Variants in LRRC40 observed in about 807,000 individuals in gnomAD.
LRRC40 encodes leucine-rich repeat-containing protein 40.
In LRRC40, 76 loss-of-function variants were observed where a neutral mutation model predicts 72.8. The ratio of observed to expected loss-of-function variants is 1.04; its 90% CI spans 0.87 to 1.26. LRRC40 has a LOEUF of 1.26. Among genes scored for constraint, LRRC40 ranks in the 50% most tolerant of loss-of-function variants. The pLI is 0.00. For synonymous variants in LRRC40, 243 were observed against 254.2 expected (o/e 0.96, Z 0.42); for missense variants, 684 against 698.9 (o/e 0.98, Z 0.24).
intron 14 of LRRC40, 82 bp downstream of exon 14, chr1:70,148,404 CA>C: frequency 8.3e-7 from 1 of 1,211,078 alleles, no homozygotes; most frequent in South Asian, 1.6e-5. Flanking sequence ...TAACTTCTTG[CA>C]AATTTATCTG....
chr1:70,161,887 G>A (rs527388793), intron 9 of LRRC40, among the ~76,000 whole-genome samples: 81 of 152,222 alleles, frequency 5.3e-4, no homozygotes, highest in African/African-American at 1.7e-3. Context: ...AGATGAACTC[G>A]ATCTAGTGGA....
At chr1:70,201,411 CAT>C (rs1471344458) in intron 1 of LRRC40, among the ~76,000 whole-genome samples, 1 of 152,138 alleles carries the variant, frequency 6.6e-6, no homozygotes, top group African/African-American at 2.4e-5. Context: ...ATCTAGACTT[CAT>C]ATGACACAAA....
intron 13 of LRRC40, among the ~76,000 whole-genome samples, 196 bp from the exon 14 acceptor site, chr1:70,148,868 T>G (rs1667388405): frequency 6.6e-6 from 1 of 152,202 alleles, no homozygotes; most frequent in Non-Finnish European, 1.5e-5. Context: ...AAATACATGT[T>G]AAACAGACAG....
chr1:70,191,984 G>GT (rs368035286), intron 1 of LRRC40, among the ~76,000 whole-genome samples: 1 of 152,022 alleles, frequency 6.6e-6, no homozygotes, highest in African/African-American at 2.4e-5. Context: ...TTTTAAAATA[G>GT]TTTTTTTCTA....
intron 6 of LRRC40, among the ~76,000 whole-genome samples, chr1:70,177,207 C>T (rs979134316): frequency 1.3e-5 from 2 of 152,000 alleles, no homozygotes; most frequent in Non-Finnish European, 2.9e-5. Flanking sequence ...ACTCGTGAGG[C>T]GGAGGTTGCA....
intron 12 of LRRC40, among the ~76,000 whole-genome samples, 166 bp downstream of exon 12, chr1:70,152,267 C>T (rs532193670): frequency 3.3e-5 from 5 of 152,122 alleles, no homozygotes; most frequent in South Asian, 4.1e-4. Flanking sequence ...AATTCTGTCT[C>T]GGGTTTCCTA....
chr1:70,191,124 GA>G (rs901368397), intron 1 of LRRC40, among the ~76,000 whole-genome samples: 13 of 139,888 alleles, frequency 9.3e-5, no homozygotes, highest in Admixed American at 2.9e-4. Flanking sequence ...TGTGACTCTT[GA>G]AAAAAAAAAA....
intron 12 of LRRC40, 77 bp from the exon 13 acceptor site, chr1:70,151,282 GC>G: frequency 1.4e-6 from 1 of 701,574 alleles, no homozygotes; most frequent in Non-Finnish European, 2.5e-6. Context: ...AAAATATTGA[GC>G]AGGAAAAAAA....
At chr1:70,189,371 C>G in intron 1 of LRRC40, 98 bp from the exon 2 acceptor site, 1 of 959,780 alleles carries the variant, frequency 1.0e-6, no homozygotes. Flanking sequence ...ATAGCCATTC[C>G]ATTTATCTAT....
chr1:70,201,343 T>C lies in LRRC40; in HGVS notation c.151+4047A>G, dbSNP rs532180204. ...TTAGTAAGTTTATATGAAAAGAAAA[T>C]AATAATCACTTTCTGCAATTACTTT... is the stretch of plus-strand genomic sequence containing the variant. On this transcript the variant is annotated intron_variant, in intron 1 of 14. Transcript: ENST00000370952. 3.2e-3 allele frequency among the ~76,000 whole-genome samples: 494 copies of C among 152,082 alleles called. 5 individuals are homozygous for C. Among genetic ancestry groups the C allele is most frequent in the South Asian group, 0.03 (147 of 4,824 alleles).
chr1:70,167,720 T>G (rs896807026), intron 9 of LRRC40, among the ~76,000 whole-genome samples: 1 of 151,978 alleles, frequency 6.6e-6, no homozygotes, highest in African/African-American at 2.4e-5. Flanking sequence ...GTTCTAGTGA[T>G]TCTCCTGTCT....
At chr1:70,189,352 G>T in intron 1 of LRRC40, 79 bp from the exon 2 acceptor site, 3 of 1,159,516 alleles carry the variant, frequency 2.6e-6, no homozygotes, top group Non-Finnish European at 3.6e-6. Context: ...TAAGTGACAT[G>T]CTTTTATAAT....
At chr1:70,171,323 CAA>C (rs1004303642) in intron 9 of LRRC40, among the ~76,000 whole-genome samples, 1 of 140,884 alleles carries the variant, frequency 7.1e-6, no homozygotes, top group Non-Finnish European at 1.6e-5. Flanking sequence ...AAAAAATGAA[CAA>C]AAAAAAAATG....
intron 2 of LRRC40, among the ~76,000 whole-genome samples, chr1:70,187,894 G>C (rs570257124): frequency 7.0e-6 from 1 of 143,306 alleles, no homozygotes; most frequent in South Asian, 2.2e-4. Flanking sequence ...GAAGAGAAGA[G>C]AAGTCATGAA....
In LRRC40 at chr1:70,205,436, C is replaced by G. The variant is rs1019940435; in HGVS notation, c.105G>C (p.Ala35=). ...TSVPQGLLKA[A]RKSGQLNLSG... ...ACAGGTTTAACTGGCCGCTCTTCCT[C>G]GCTGCCTTCAACAGCCCTTGGGGTA... The change falls in exon 1 of 15, where the codon GCG becomes GCC. Residue 35 remains alanine (A), a synonymous_variant. Transcript: ENST00000370952. 2 of 1,604,814 alleles carry G rather than the reference C, an allele frequency of 1.2e-6. No individual in the cohort carries two copies.
intron 1 of LRRC40, among the ~76,000 whole-genome samples, chr1:70,204,781 G>A (rs1424430406): frequency 1.3e-5 from 2 of 150,220 alleles, no homozygotes; most frequent in African/African-American, 5.0e-5. Context: ...AGAGCATCTG[G>A]CCATTCATTC....
intron 9 of LRRC40, among the ~76,000 whole-genome samples, chr1:70,162,793 A>G (rs1667793611): frequency 6.6e-6 from 1 of 152,212 alleles, no homozygotes; most frequent in South Asian, 2.1e-4. Flanking sequence ...CCTAAGCCTG[A>G]TAACAGAGAC....
chr1:70,152,143 T>C (rs939915961), intron 12 of LRRC40, among the ~76,000 whole-genome samples: 2 of 152,176 alleles, frequency 1.3e-5, no homozygotes, highest in African/African-American at 4.8e-5. Flanking sequence ...ATACTTTCCA[T>C]GTCTTATTTG....
At chr1:70,182,962 C>A (rs911430343) in intron 4 of LRRC40, among the ~76,000 whole-genome samples, 1 of 152,160 alleles carries the variant, frequency 6.6e-6, no homozygotes, top group East Asian at 1.9e-4. Context: ...GCTCTCAACT[C>A]CAAATGGACT....
Sources: gnomAD v4.1 joint callset for allele counts (sites outside exome capture counted in the v4.1 genomes callset) on GRCh38, gnomAD v4.1.1 for gene constraint, MANE v1.5 for transcripts, NCBI Gene and HGNC (gene_info 2026-07-23, HGNC 2026-07-21) for gene names.